Variants in CCDC141 observed in about 807,000 individuals in gnomAD.
CCDC141 encodes coiled-coil domain-containing protein 141.
CCDC141 carries 168 observed loss-of-function variants against 181.0 expected under a neutral mutation model. The observed-to-expected ratio is 0.93, with a 90% confidence interval of 0.82 to 1.05. The LOEUF is 1.05. Among genes scored for constraint, CCDC141 ranks in the 50% least tolerant of loss-of-function variants. The pLI, the probability that CCDC141 is intolerant of heterozygous loss-of-function variation, is 0.00. For missense variants in CCDC141, 1,902 were observed against 1,788.5 expected, an observed-to-expected ratio of 1.06 and a Z score of -1.14; for synonymous variants, 666 against 642.3, an observed-to-expected ratio of 1.04 and a Z score of -0.56.
intron 2 of CCDC141, among the ~76,000 whole-genome samples, chr2:178,989,945 G>T (rs975676836): frequency 2.0e-5 from 3 of 150,022 alleles, no homozygotes; most frequent in East Asian, 2.0e-4. Context: ...TTCACGACCA[G>T]CCTGACCAAC....
At chr2:179,045,593 T>G (rs1438855468) in intron 2 of CCDC141, among the ~76,000 whole-genome samples, 2 of 151,796 alleles carry the variant, frequency 1.3e-5, no homozygotes, top group Non-Finnish European at 2.9e-5. Context: ...CCACGCTGAC[T>G]TCCACAATGG....
At chr2:178,937,225 GT>G (rs769214941) in intron 6 of CCDC141, among the ~76,000 whole-genome samples, 1 of 152,104 alleles carries the variant, frequency 6.6e-6, no homozygotes, top group Non-Finnish European at 1.5e-5. Context: ...TTGGCTGTGG[GT>G]TTGTCATAGA....
At chr2:179,034,933 A>C (rs778164930) in intron 2 of CCDC141, among the ~76,000 whole-genome samples, 1 of 152,174 alleles carries the variant, frequency 6.6e-6, no homozygotes. Flanking sequence ...TAAATTGCAA[A>C]TATTTTTCTC....
chr2:178,926,099 C>T lies in CCDC141; in HGVS notation c.898-7192G>A, dbSNP rs1055054849. ...GGAAAGTTTTAAAAACACATATTTCCAGGCTCACCCCCTATCCACTGAATC... is the reference window on the plus strand; with the variant it reads ...GGAAAGTTTTAAAAACACATATTTCTAGGCTCACCCCCTATCCACTGAATC... On this transcript the variant is annotated intron_variant, in intron 6 of 23. Coordinates refer to ENST00000443758, the MANE Select transcript of CCDC141 (RefSeq NM_173648.4). Among the ~76,000 whole-genome samples the T allele has an allele frequency of 2.0e-4, 30 of 151,960 alleles. 1 individual carries two copies. The highest frequency in any genetic ancestry group is 9.7e-4 in the East Asian group (5 of 5,174).
intron 23 of CCDC141, chr2:178,836,192 T>C (rs888827137): frequency 2.0e-5 from 3 of 152,320 alleles, no homozygotes; most frequent in Non-Finnish European, 4.4e-5. Flanking sequence ...TTGTTACCAA[T>C]AGTAGGTGAT....
At position 178,961,387 on chromosome 2, in the gene CCDC141, T is replaced by C; in HGVS notation, c.623A>G (p.Glu208Gly). ...GCTGCTATGAGCTCCCTGAGTCAAC[T>C]CAGGATTCACATTAGGTCCTTCACA... Reference protein sequence around the residue: ...FKCEGPNVNPELTQGAHSSCL... With the variant: ...FKCEGPNVNPGLTQGAHSSCL... The change falls in exon 5 of 24, where the codon GAG becomes GGG. Residue 208 changes from glutamate to glycine, a missense_variant. Transcript: ENST00000443758. 6.4e-7 allele frequency: 1 copy of C among 1,550,596 alleles called. No individual in the cohort carries two copies. Among genetic ancestry groups the C allele is most frequent in the Non-Finnish European group, 8.7e-7 (1 of 1,146,960 alleles).
In CCDC141 at chr2:178,871,611, A is replaced by G. The variant is rs941336487; in HGVS notation, c.2080-59T>C. 25 of 1,593,694 alleles carry G rather than the reference A, an allele frequency of 1.6e-5. No homozygotes were observed. In the African/African-American group the frequency reaches 3.1e-4, roughly 20 times the overall value. ...TTCTTTGACATCTCCAGCAAATTTG[A>G]TCATTCTAGGTATGACGCAGAGTGT... On this transcript the variant is annotated intron_variant, in intron 13 of 23. Transcript: ENST00000443758.
chr2:178,919,632 A>G (rs1166066796), intron 6 of CCDC141, among the ~76,000 whole-genome samples: 1 of 152,244 alleles, frequency 6.6e-6, no homozygotes, highest in Non-Finnish European at 1.5e-5. Context: ...GTATAAAAAC[A>G]TATCTTTCCC....
chr2:178,895,246 T>C lies in CCDC141; in HGVS notation c.1266-6578A>G, dbSNP rs539670069. 2.6e-5 allele frequency among the ~76,000 whole-genome samples: 4 copies of C among 152,322 alleles called. No individual in the cohort carries two copies. The South Asian group carries it at 8.3e-4, about 32-fold the overall frequency. Reference sequence around the variant, plus strand: ...GTTTTCGGGTTTGCACTATTATAAATAGCACTGTGATGAGCATCTTATTCA... The same window carrying C: ...GTTTTCGGGTTTGCACTATTATAAACAGCACTGTGATGAGCATCTTATTCA... On this transcript the variant is annotated intron_variant, in intron 8 of 23. Transcript: ENST00000443758.
intron 2 of CCDC141, among the ~76,000 whole-genome samples, chr2:179,006,530 ATAAT>A (rs1309716959): frequency 1.3e-5 from 2 of 152,194 alleles, no homozygotes; most frequent in African/African-American, 2.4e-5. Context: ...TAGTGATACA[ATAAT>A]TAATTAATTT....
the CCDC141 span, among the ~76,000 whole-genome samples, chr2:178,821,526 T>C: frequency 6.6e-6 from 1 of 152,130 alleles, no homozygotes; most frequent in South Asian, 2.1e-4. Flanking sequence ...AGACGCACAT[T>C]TAGAAATGGT....
chr2:178,899,037 A>C (rs1687551213), intron 8 of CCDC141, among the ~76,000 whole-genome samples: 1 of 152,076 alleles, frequency 6.6e-6, no homozygotes, highest in Non-Finnish European at 1.5e-5. Context: ...TAGAAAGTAA[A>C]AAAGTACAGT....
chr2:178,917,213 G>C (rs553369519), intron 7 of CCDC141, among the ~76,000 whole-genome samples: 2 of 152,262 alleles, frequency 1.3e-5, no homozygotes, highest in Non-Finnish European at 1.5e-5. Context: ...TGAATATGCA[G>C]TTTAAATTTA....
chr2:179,015,374 T>TATATCTCATATATGTATC (rs1553502967), intron 2 of CCDC141, among the ~76,000 whole-genome samples: 2 of 124,802 alleles, frequency 1.6e-5, no homozygotes, highest in Admixed American at 1.1e-4. Flanking sequence ...ATATGTATCA[T>TATATCTCATATATGTATC]ATATATCTCA....
intron 6 of CCDC141, among the ~76,000 whole-genome samples, chr2:178,923,256 C>T (rs889381739): frequency 6.6e-5 from 10 of 151,664 alleles, no homozygotes; most frequent in South Asian, 6.3e-4. Flanking sequence ...AGGCGCCCGC[C>T]ACTACGCCCG....
intron 5 of CCDC141, among the ~76,000 whole-genome samples, chr2:178,950,862 A>G (rs1689924242): frequency 1.3e-5 from 2 of 152,174 alleles, no homozygotes; most frequent in African/African-American, 4.8e-5. Context: ...TAGAATAATA[A>G]TTTTATGTAT....
chr2:178,881,120 A>G (rs1686584655), intron 11 of CCDC141, among the ~76,000 whole-genome samples: 1 of 152,240 alleles, frequency 6.6e-6, no homozygotes, highest in South Asian at 2.1e-4. Flanking sequence ...CGCTTTAAGA[A>G]CAAAAAAGGA....
In CCDC141 at chr2:178,945,927, T is replaced by C. The variant is rs1229552968; in HGVS notation, c.781-1276A>G. ...TAGGACACACCATTTATAGGGCTGA[T>C]ATCACAAAGCTGACTATGCGATCAA... On this transcript the variant is annotated intron_variant, in intron 5 of 23. Coordinates refer to ENST00000443758, the MANE Select transcript of CCDC141 (RefSeq NM_173648.4). Among the ~76,000 whole-genome samples, 2 of 152,018 alleles carry C rather than the reference T, an allele frequency of 1.3e-5. 1 individual carries two copies. The highest frequency in any genetic ancestry group is 4.2e-4 in the South Asian group (2 of 4,812).
chr2:179,041,493 T>G (rs1423604994), intron 2 of CCDC141, among the ~76,000 whole-genome samples: 6 of 36,630 alleles, frequency 1.6e-4, no homozygotes, highest in African/African-American at 7.8e-4. Flanking sequence ...GGTTGTGGGT[T>G]TTTTTTTTTT....
Sources: allele counts gnomAD v4.1 joint callset (sites outside exome capture counted in the v4.1 genomes callset), GRCh38; gene constraint gnomAD v4.1.1; transcripts MANE v1.5; gene names NCBI Gene and HGNC (gene_info 2026-07-23, HGNC 2026-07-21).